The following KRTAP10-11 variants were observed in gnomAD, a reference collection of about 807,000 sequenced individuals.
The protein encoded by KRTAP10-11 is keratin associated protein 10-11.
For missense variants in KRTAP10-11, 401 were observed against 378.8 expected (o/e 1.06, Z -0.49); for synonymous variants, 188 against 161.1 (o/e 1.17, Z -1.27).
At position 44,646,453 on chromosome 21, in the gene KRTAP10-11, C is replaced by T. The variant is rs782644515; in HGVS notation, c.-6C>T. The T allele has an allele frequency of 9.4e-6, 15 of 1,602,012 alleles. No homozygotes were observed. The highest frequency in any genetic ancestry group is 8.9e-5 in the East Asian group (4 of 44,860). ...CTCCCCCAGCTCACCTCCTCCCCAC[C>T]CCAGCATGGCCGCGTCCACCATGTC... On this transcript the variant is annotated 5_prime_UTR_variant, in exon 1 of 1. Transcript: ENST00000334670.
Position 44,647,626 on chromosome 21 carries a change from A to C in KRTAP10-11, c.*271A>C. ...AATGTGACAAAGAAGAACTGCTCTA[A>C]TCAATAAATTCTTGAGTCAGGAAAT... is the stretch of plus-strand genomic sequence containing the variant. On this transcript the variant is annotated 3_prime_UTR_variant, in exon 1 of 1. Coordinates refer to ENST00000334670, the MANE Select transcript of KRTAP10-11 (RefSeq NM_198692.3). 1 of 518,858 alleles carries C rather than the reference A, an allele frequency of 1.9e-6. No individual in the cohort carries two copies. The highest frequency in any genetic ancestry group is 3.6e-6 in the Non-Finnish European group (1 of 279,072). The allele number at this position is 518,858 out of a possible 1,614,324, so 32.1% of individuals were successfully genotyped here.
Position 44,647,350 on chromosome 21 carries a change from T to G in KRTAP10-11, c.892T>G (p.Cys298Gly). 6.2e-7 allele frequency: 1 copy of G among 1,613,478 alleles called. No individual in the cohort carries two copies. The highest frequency in any genetic ancestry group is 8.5e-7 in the Non-Finnish European group (1 of 1,179,584). ...CCTCTGCTCAGGCAAGAAGTCCAGC[T>G]GCTGAGTGCTCAATCCTTGTCTCCT... The part of the protein sequence containing the change: ...YSLCSGKKSS[C>G] Residue 298 changes from cysteine (C) to glycine (G), a missense_variant, in exon 1 of 1, where the codon TGC becomes GGC. Physicochemically the swap from Cys to Gly is radical, Grantham distance 159. Coordinates refer to ENST00000334670, the MANE Select transcript of KRTAP10-11 (RefSeq NM_198692.3).
chr21:44,646,422 TTA>T lies in KRTAP10-11; in HGVS notation c.-36_-35del, dbSNP rs782347036. The stretch of plus-strand genomic sequence containing the variant: ...CTCACACACACACTCACACACTCAC[TTA>T]CACCTCCCCCAGCTCACCTCCTCCC... On this transcript the variant is annotated 5_prime_UTR_variant, in exon 1 of 1. Transcript: ENST00000334670. The T allele has an allele frequency of 1.3e-6, 2 of 1,579,866 alleles. No individual in the cohort carries two copies. The highest frequency in any genetic ancestry group is 2.7e-5 in the African/African-American group (2 of 74,542).
In KRTAP10-11 at chr21:44,647,267, C is replaced by A. The variant is rs78191358; in HGVS notation, c.809C>A (p.Pro270Gln). Residue 270 changes from proline (P) to glutamine (Q), a missense_variant, in exon 1 of 1, where the codon CCG (proline) becomes CAG (glutamine). Physicochemically the swap from Pro to Gln is moderately conservative, Grantham distance 76. Coordinates refer to ENST00000334670, the MANE Select transcript of KRTAP10-11 (RefSeq NM_198692.3). ...TSSCQSSCCR[P>Q]ASCVSLLCRP... ...TCCTGCCAGTCCAGCTGCTGCCGCCCGGCCTCCTGCGTGTCCCTCCTCTGC... is the reference window on the plus strand; with the variant it reads ...TCCTGCCAGTCCAGCTGCTGCCGCCAGGCCTCCTGCGTGTCCCTCCTCTGC... The A allele has an allele frequency of 6.2e-6, 10 of 1,602,990 alleles. No individual in the cohort carries two copies. The East Asian group carries it at 9.0e-5, about 14-fold the overall frequency.
In KRTAP10-11 at chr21:44,646,493, C is replaced by T. The variant is rs377695090; in HGVS notation, c.35C>T (p.Ala12Val). The T allele has an allele frequency of 1.9e-6, 3 of 1,613,162 alleles. No homozygotes were observed. The highest frequency in any genetic ancestry group is 2.5e-6 in the Non-Finnish European group (3 of 1,179,950). Residue 12 changes from alanine (A) to valine (V), a missense_variant, in exon 1 of 1, where the codon GCT becomes GTT. Physicochemically the swap from Ala to Val is moderately conservative, Grantham distance 64. Transcript: ENST00000334670. The part of the protein sequence containing the change: ...AASTMSVCSS[A>V]YSDSWQVDDC... Reference sequence around the variant, plus strand: ...TCCACCATGTCTGTCTGCTCCAGCGCTTACTCCGACTCCTGGCAGGTGGAC... The same window carrying T: ...TCCACCATGTCTGTCTGCTCCAGCGTTTACTCCGACTCCTGGCAGGTGGAC...
In KRTAP10-11 at chr21:44,646,773, C is replaced by G. The variant is rs782425571; in HGVS notation, c.315C>G (p.Cys105Trp). 1.9e-6 allele frequency: 3 copies of G among 1,613,580 alleles called. No individual in the cohort carries two copies. The highest frequency in any genetic ancestry group is 2.5e-6 in the Non-Finnish European group (3 of 1,179,732). ...CQQACCVPVCCKTVCCKPVCC... is the reference protein window; with the variant it reads ...CQQACCVPVCWKTVCCKPVCC... ...AGGCCTGCTGTGTGCCTGTCTGCTGCAAGACTGTCTGCTGCAAGCCTGTGT... is the reference window on the plus strand; with the variant it reads ...AGGCCTGCTGTGTGCCTGTCTGCTGGAAGACTGTCTGCTGCAAGCCTGTGT... The change falls in exon 1 of 1, where the codon TGC becomes TGG. Residue 105 changes from cysteine to tryptophan, a missense_variant. Cys to Trp is a radical substitution (Grantham distance 215). Transcript: ENST00000334670.
chr21:44,647,215 G>C lies in KRTAP10-11; in HGVS notation c.757G>C (p.Val253Leu). 9 of 1,613,136 alleles carry C rather than the reference G, an allele frequency of 5.6e-6. No homozygotes were observed. The highest frequency in any genetic ancestry group is 7.6e-6 in the Non-Finnish European group (9 of 1,179,858). The change falls in exon 1 of 1, where the codon GTC becomes CTC. Residue 253 changes from valine to leucine, a missense_variant. Coordinates refer to ENST00000334670, the MANE Select transcript of KRTAP10-11 (RefSeq NM_198692.3). ...PVCRSTCCVP[V>L]SSCCAPTSSC... is the part of the protein sequence containing the mutation. ...GTGCAGGTCCACCTGCTGTGTGCCCGTCTCCTCCTGCTGTGCCCCCACCTC... is the reference window on the plus strand; with the variant it reads ...GTGCAGGTCCACCTGCTGTGTGCCCCTCTCCTCCTGCTGTGCCCCCACCTC...
chr21:44,647,506 C>T lies in KRTAP10-11; in HGVS notation c.*151C>T. 1 of 933,680 alleles carries T rather than the reference C, an allele frequency of 1.1e-6. No homozygotes were observed. Among genetic ancestry groups the T allele is most frequent in the East Asian group, 2.6e-5 (1 of 37,752 alleles). The allele number at this position is 933,680 out of a possible 1,614,324, so 57.8% of individuals were successfully genotyped here. On this transcript the variant is annotated 3_prime_UTR_variant, in exon 1 of 1. Coordinates refer to ENST00000334670, the MANE Select transcript of KRTAP10-11 (RefSeq NM_198692.3). ...GGGATTTTGAGCGCGTCACACTTTC[C>T]TCCCCACTGTCTGGGAAGAGACAAC...
chr21:44,646,532 G>A lies in KRTAP10-11; in HGVS notation c.74G>A (p.Ser25Asn). 1 of 1,612,712 alleles carries A rather than the reference G, an allele frequency of 6.2e-7. No homozygotes were observed. The highest frequency in any genetic ancestry group is 8.5e-7 in the Non-Finnish European group (1 of 1,179,972). ...TGGCAGGTGGACGACTGCCCAGAGA[G>A]CTGCTGTGAGCCCCCCTGCAGCGCC... ...DSWQVDDCPE[S>N]CCEPPCSAPS... Residue 25 changes from serine (S) to asparagine (N), a missense_variant, in exon 1 of 1, where the codon AGC (serine) becomes AAC (asparagine). Ser to Asn is a conservative substitution (Grantham distance 46). Transcript: ENST00000334670.
Position 44,647,379 on chromosome 21 carries a change from G to T in KRTAP10-11, c.*24G>T. On this transcript the variant is annotated 3_prime_UTR_variant, in exon 1 of 1. Transcript: ENST00000334670. ...GAGTGCTCAATCCTTGTCTCCTGCTGACTGTGTCTTTGCTGCCAAGCAGGA... is the reference window on the plus strand; with the variant it reads ...GAGTGCTCAATCCTTGTCTCCTGCTTACTGTGTCTTTGCTGCCAAGCAGGA... 6.2e-7 allele frequency: 1 copy of T among 1,606,110 alleles called. No individual in the cohort carries two copies. Among genetic ancestry groups the T allele is most frequent in the Non-Finnish European group, 8.5e-7 (1 of 1,174,546 alleles).
the KRTAP10-11 span, chr21:44,646,911 C>A: frequency 3.7e-6 from 6 of 1,613,764 alleles, no homozygotes; most frequent in Non-Finnish European, 5.1e-6. Flanking sequence ...TGCCCGTCTG[C>A]TGCAAGCCTG....
At position 44,647,622 on chromosome 21, in the gene KRTAP10-11, T is replaced by G. The variant is rs1019622449; in HGVS notation, c.*267T>G. ...ACCCAATGTGACAAAGAAGAACTGC[T>G]CTAATCAATAAATTCTTGAGTCAGG... On this transcript the variant is annotated 3_prime_UTR_variant, in exon 1 of 1. Transcript: ENST00000334670. The G allele has an allele frequency of 1.9e-6, 1 of 534,980 alleles. No homozygotes were observed. The highest frequency in any genetic ancestry group is 1.9e-5 in the African/African-American group (1 of 52,324). 33.1% of individuals were successfully genotyped at this position (534,980 alleles called of 1,614,324 possible). A position where few individuals can be genotyped will look rare whatever the true frequency, so the allele number is the denominator to read the frequency against.
Position 44,646,864 on chromosome 21 carries a change from T to A in KRTAP10-11, c.406T>A (p.Cys136Ser), listed in dbSNP as rs375939349. Residue 136 changes from cysteine to serine, a missense_variant, in exon 1 of 1, where the codon TGC (cysteine) becomes AGC (serine). By Grantham distance (112) the Cys-to-Ser change is moderately radical (BLOSUM62 -1). Coordinates refer to ENST00000334670, the MANE Select transcript of KRTAP10-11 (RefSeq NM_198692.3). ...CCGGCAGTCTAGCTGCCAGCCAGCT[T>A]GCTGTGCCTCTTCCTCCTGCCAGCC... The part of the protein sequence containing the change: ...CCRQSSCQPA[C>S]CASSSCQPAC... The A allele has an allele frequency of 1.5e-5, 24 of 1,577,724 alleles. No individual in the cohort carries two copies. Among genetic ancestry groups the A allele is most frequent in the African/African-American group, 2.7e-5 (2 of 73,386 alleles).
At position 44,647,328 on chromosome 21, in the gene KRTAP10-11, C is replaced by T. The variant is rs1478568228; in HGVS notation, c.870C>T (p.Leu290=). The T allele has an allele frequency of 1.2e-6, 2 of 1,613,760 alleles. No individual in the cohort carries two copies. Among genetic ancestry groups the T allele is most frequent in the Admixed American group, 1.7e-5 (1 of 59,992 alleles). Residue 290 remains leucine (L), a synonymous_variant, in exon 1 of 1, where the codon CTC becomes CTT. Transcript: ENST00000334670. The stretch of plus-strand genomic sequence containing the variant: ...GCTCCCGCCTGGCCTGCTACAGCCT[C>T]TGCTCAGGCAAGAAGTCCAGCTGCT... The part of the protein sequence containing the change: ...PASSRLACYS[L]CSGKKSSC
chr21:44,646,685 C>G lies in KRTAP10-11; in HGVS notation c.227C>G (p.Thr76Arg), dbSNP rs779037491. Reference sequence around the variant, plus strand: ...CAATCAGGCTGCACCAGCTCCTGCACGCCGTCATGCTGCCAGCAGTCTAGC... The same window carrying G: ...CAATCAGGCTGCACCAGCTCCTGCAGGCCGTCATGCTGCCAGCAGTCTAGC... ...ACQSGCTSSCTPSCCQQSSCQ... is the reference protein window; with the variant it reads ...ACQSGCTSSCRPSCCQQSSCQ... Residue 76 changes from threonine to arginine, a missense_variant, in exon 1 of 1, where the codon ACG becomes AGG. Transcript: ENST00000334670. 6.2e-7 allele frequency: 1 copy of G among 1,614,010 alleles called. No homozygotes were observed. Among genetic ancestry groups the G allele is most frequent in the Non-Finnish European group, 8.5e-7 (1 of 1,180,012 alleles).
rs200871348 is a variant in KRTAP10-11, at chr21:44,647,211, G to C, written c.753G>C (p.Val251=). The C allele has an allele frequency of 6.2e-7, 1 of 1,613,324 alleles. No individual in the cohort carries two copies. The highest frequency in any genetic ancestry group is 1.7e-5 in the Admixed American group (1 of 59,988). Residue 251 remains valine (V), a synonymous_variant, in exon 1 of 1, where the codon GTG becomes GTC. Coordinates refer to ENST00000334670, the MANE Select transcript of KRTAP10-11 (RefSeq NM_198692.3). ...CCGTGTGCAGGTCCACCTGCTGTGT[G>C]CCCGTCTCCTCCTGCTGTGCCCCCA... The part of the protein sequence containing the change: ...CHPVCRSTCC[V]PVSSCCAPTS...
At position 44,647,264 on chromosome 21, in the gene KRTAP10-11, G is replaced by T; in HGVS notation, c.806G>T (p.Arg269Leu). Residue 269 changes from arginine to leucine, a missense_variant, in exon 1 of 1, where the codon CGC becomes CTC. By Grantham distance (102) the Arg-to-Leu change is moderately radical. Transcript: ENST00000334670. ...PTSSCQSSCC[R>L]PASCVSLLCR... is the part of the protein sequence containing the mutation. ...TCCTCCTGCCAGTCCAGCTGCTGCC[G>T]CCCGGCCTCCTGCGTGTCCCTCCTC... The T allele has an allele frequency of 6.2e-7, 1 of 1,602,058 alleles. No homozygotes were observed.
At position 44,646,816 on chromosome 21, in the gene KRTAP10-11, T is replaced by G; in HGVS notation, c.358T>G (p.Cys120Gly). ...CKPVCCVPVC[C>G]GAASSCCRQS... The stretch of plus-strand genomic sequence containing the variant: ...GCCTGTGTGCTGTGTGCCTGTCTGC[T>G]GTGGGGCTGCTTCTTCGTGCTGCCG... The change falls in exon 1 of 1, where the codon TGT becomes GGT. Residue 120 changes from cysteine to glycine, a missense_variant. Transcript: ENST00000334670. 1 of 1,574,872 alleles carries G rather than the reference T, an allele frequency of 6.3e-7. No individual in the cohort carries two copies. The highest frequency in any genetic ancestry group is 8.6e-7 in the Non-Finnish European group (1 of 1,159,092).
In KRTAP10-11 at chr21:44,646,481, T is replaced by C; in HGVS notation, c.23T>C (p.Val8Ala). MAASTMS[V>A]CSSAYSDSWQ... is the part of the protein sequence containing the mutation. The stretch of plus-strand genomic sequence containing the variant: ...AGCATGGCCGCGTCCACCATGTCTG[T>C]CTGCTCCAGCGCTTACTCCGACTCC... Residue 8 changes from valine to alanine, a missense_variant, in exon 1 of 1, where the codon GTC (valine) becomes GCC (alanine). Transcript: ENST00000334670. 2 of 1,612,778 alleles carry C rather than the reference T, an allele frequency of 1.2e-6. No homozygotes were observed. The highest frequency in any genetic ancestry group is 1.3e-5 in the African/African-American group (1 of 74,920).
Sources: allele counts gnomAD v4.1 joint callset, GRCh38; gene constraint gnomAD v4.1.1; transcripts MANE v1.5; gene names NCBI Gene and HGNC (gene_info 2026-07-23, HGNC 2026-07-21).